The following LOXHD1 variants were observed in gnomAD, a reference collection of about 807,000 sequenced individuals.
LOXHD1 encodes lipoxygenase homology domain-containing protein 1.
Under a neutral mutation model 248.2 loss-of-function variants are expected in LOXHD1, and 205 were observed. That is an observed-to-expected ratio of 0.83 (90% CI 0.74 to 0.93). The LOEUF (loss-of-function observed/expected upper bound fraction) is 0.93. LOXHD1 is among the 40% of genes least tolerant of loss of function. The pLI, the probability that LOXHD1 is intolerant of heterozygous loss-of-function variation, is 0.00. For synonymous variants in LOXHD1, 1,113 were observed against 1,162.8 expected, an observed-to-expected ratio of 0.96 and a Z score of 0.87; for missense variants, 2,930 against 2,971.6, an observed-to-expected ratio of 0.99 and a Z score of 0.33.
chr18:46,577,488 G>A (rs548263417), intron 14 of LOXHD1, among the ~76,000 whole-genome samples: 7 of 152,186 alleles, frequency 4.6e-5, no homozygotes, highest in South Asian at 2.1e-4. Context: ...GCAGCACACC[G>A]GAACACACCA....
chr18:46,575,523 T>A (rs1599019483), intron 14 of LOXHD1, among the ~76,000 whole-genome samples: 1 of 152,156 alleles, frequency 6.6e-6, no homozygotes, highest in African/African-American at 2.4e-5. Context: ...GGTATCCTTA[T>A]GAAAAGGGAA....
intron 5 of LOXHD1, among the ~76,000 whole-genome samples, chr18:46,616,675 G>A (rs574979613): frequency 1.3e-5 from 2 of 151,998 alleles, no homozygotes; most frequent in South Asian, 2.1e-4. Flanking sequence ...ATTTATCTTT[G>A]TTTGCATAGA....
chr18:46,503,383 C>G (rs1199480178), intron 37 of LOXHD1, among the ~76,000 whole-genome samples: 2 of 152,200 alleles, frequency 1.3e-5, no homozygotes, highest in East Asian at 3.9e-4. Context: ...TCAAATCCCT[C>G]TAATTAGGCC....
At chr18:46,555,324 C>T (rs926518662) in intron 21 of LOXHD1, 1 of 388,156 alleles carries the variant, frequency 2.6e-6, no homozygotes, top group Non-Finnish European at 5.3e-6. Context: ...CCAGGGTGAC[C>T]TGATGAGTTT....
intron 22 of LOXHD1, among the ~76,000 whole-genome samples, chr18:46,545,630 T>TC (rs1314456235): frequency 1.9e-5 from 1 of 53,994 alleles, no homozygotes; most frequent in Admixed American, 1.9e-4. Flanking sequence ...GCCATTTCTT[T>TC]TTTTTTTTTT....
intron 38 of LOXHD1, 115 bp from the exon 39 acceptor site, chr18:46,485,266 G>T: frequency 1.6e-6 from 2 of 1,224,246 alleles, no homozygotes. Flanking sequence ...CTGCAGCCTG[G>T]GGGTGGGGGA....
At chr18:46,487,147 G>T (rs773968440) in intron 38 of LOXHD1, among the ~76,000 whole-genome samples, 1 of 152,134 alleles carries the variant, frequency 6.6e-6, no homozygotes, top group South Asian at 2.1e-4. Context: ...CAGTAGTCAC[G>T]CAAAGGAAGA....
rs368054666 is a variant in LOXHD1 at position 46,547,019 on chromosome 18, T to C, written c.3390A>G (p.Glu1130=). ...FPCQRWLAVE[E]DDGQLSRELL... ...GCTCCCTGGACAGCTGGCCATCATC[T>C]TCCTCCACTGCCAGCCAACGTTGGC... is the stretch of plus-strand genomic sequence containing the variant. Residue 1130 remains glutamate (E), a synonymous_variant, in exon 22 of 41, where the codon GAA becomes GAG. Coordinates refer to ENST00000642948, the MANE Select transcript of LOXHD1 (RefSeq NM_001384474.1). 5.8e-6 allele frequency: 9 copies of C among 1,551,652 alleles called. No individual in the cohort carries two copies. The highest frequency in any genetic ancestry group is 7.8e-6 in the Non-Finnish European group (9 of 1,147,012).
chr18:46,650,071 A>G (rs1288069288), intron 1 of LOXHD1, among the ~76,000 whole-genome samples: 1 of 152,064 alleles, frequency 6.6e-6, no homozygotes, highest in Non-Finnish European at 1.5e-5. Flanking sequence ...TAGCCTGGGG[A>G]AGGTTGCTGC....
At chr18:46,650,678 G>A (rs1284380437) in intron 1 of LOXHD1, among the ~76,000 whole-genome samples, 1 of 150,972 alleles carries the variant, frequency 6.6e-6, no homozygotes, top group Non-Finnish European at 1.5e-5. Flanking sequence ...ATTCCACAGA[G>A]GGCACAAGTG....
intron 1 of LOXHD1, among the ~76,000 whole-genome samples, 169 bp downstream of exon 1, chr18:46,656,735 G>T (rs923529587): frequency 6.6e-6 from 1 of 152,148 alleles, no homozygotes; most frequent in African/African-American, 2.4e-5. Context: ...CACCATCCCT[G>T]CATAATGCCT....
chr18:46,508,323 T>C (rs954763388), intron 35 of LOXHD1, among the ~76,000 whole-genome samples: 3 of 152,110 alleles, frequency 2.0e-5, no homozygotes, highest in African/African-American at 4.8e-5. Flanking sequence ...TGTGACCTTA[T>C]TAGAAAGGGG....
intron 29 of LOXHD1, among the ~76,000 whole-genome samples, chr18:46,525,610 T>G (rs2035793678): frequency 6.6e-6 from 1 of 152,106 alleles, no homozygotes; most frequent in African/African-American, 2.4e-5. Context: ...TGTGTGCTGA[T>G]TCTTTGAGGG....
At chr18:46,653,340 G>A (rs1219684680) in intron 1 of LOXHD1, among the ~76,000 whole-genome samples, 1 of 152,196 alleles carries the variant, frequency 6.6e-6, no homozygotes, top group African/African-American at 2.4e-5. Context: ...GGAGCATTCT[G>A]GGGGCTGGAA....
At chr18:46,618,375 A>C (rs2038620481) in intron 4 of LOXHD1, 85 bp from the exon 5 acceptor site, 2 of 843,444 alleles carry the variant, frequency 2.4e-6, no homozygotes, top group Non-Finnish European at 3.9e-6. Flanking sequence ...CACACCATCT[A>C]CACTTACCCC....
intron 12 of LOXHD1, among the ~76,000 whole-genome samples, chr18:46,580,003 T>G (rs914237625): frequency 1.3e-5 from 2 of 152,256 alleles, no homozygotes; most frequent in Non-Finnish European, 2.9e-5. Flanking sequence ...ATTATAGGTA[T>G]ATGGATTCCA....
At chr18:46,617,887 A>G (rs1318240645) in intron 5 of LOXHD1, among the ~76,000 whole-genome samples, 1 of 152,222 alleles carries the variant, frequency 6.6e-6, no homozygotes, top group Non-Finnish European at 1.5e-5. Flanking sequence ...AGTAAGTGAG[A>G]ATGAGTTTCC....
At chr18:46,560,048 T>TGCCTGG in intron 19 of LOXHD1, 35 bp downstream of exon 19, 1 of 1,226,298 alleles carries the variant, frequency 8.2e-7, no homozygotes, top group Non-Finnish European at 1.1e-6. Flanking sequence ...GTCTGGCCAC[T>TGCCTGG]CCCTCCCCAC....
intron 34 of LOXHD1, among the ~76,000 whole-genome samples, chr18:46,514,049 C>A (rs554653898): frequency 6.6e-6 from 1 of 152,312 alleles, no homozygotes; most frequent in South Asian, 2.1e-4. Context: ...AAAGCTGGAC[C>A]TTGTGCATCC....
Sources: gnomAD v4.1 joint callset for allele counts (sites outside exome capture counted in the v4.1 genomes callset) on GRCh38, gnomAD v4.1.1 for gene constraint, MANE v1.5 for transcripts, NCBI Gene and HGNC (gene_info 2026-07-23, HGNC 2026-07-21) for gene names.